RORA: variants seen among roughly 807,000 people sequenced by gnomAD.
RORA encodes the protein RAR related orphan receptor A.
In RORA, 7 loss-of-function variants were observed where a neutral mutation model predicts 69.5. That is an observed-to-expected ratio of 0.10 (90% CI 0.06 to 0.19). RORA has a LOEUF of 0.19. Among genes scored for constraint, RORA ranks in the 10% least tolerant of loss-of-function variants. The probability of loss-of-function intolerance (pLI) is 1.00; values close to 1 mark genes in which losing one functional copy is unlikely to be tolerated. For synonymous variants in RORA, 261 were observed against 240.8 expected (o/e 1.08, Z -0.78); for missense variants, 457 against 663.0 (o/e 0.69, Z 3.41).
chr15:60,939,809 G>C (rs1892636736), intron 1 of RORA, among the ~76,000 whole-genome samples: 1 of 152,206 alleles, frequency 6.6e-6, no homozygotes, highest in Non-Finnish European at 1.5e-5. Flanking sequence ...GCCGTTCACT[G>C]GACTTCCCTC....
At chr15:61,223,033 G>A (rs564854491) in intron 1 of RORA, among the ~76,000 whole-genome samples, 10 of 152,108 alleles carry the variant, frequency 6.6e-5, no homozygotes, top group Admixed American at 2.6e-4. Flanking sequence ...TGACTTTACC[G>A]CCAGGCATGG....
chr15:60,511,756 T>G lies in RORA; in HGVS notation c.425-135A>C. ...TGCATGACCACAAAATAAGGACATA[T>G]TCAGAGGTGAAAACAGTTCCAACCC... On this transcript the variant is annotated intron_variant, in intron 4 of 10. Transcript: ENST00000335670. This position sits in a 1 kb window ranked among gnomAD's most constrained non-coding sequence, Gnocchi z 6.4. 5.3e-6 allele frequency: 5 copies of G among 948,982 alleles called. No homozygotes were observed. The highest frequency in any genetic ancestry group is 7.7e-6 in the Non-Finnish European group (5 of 653,318). 58.8% of individuals were successfully genotyped at this position (948,982 alleles called of 1,614,324 possible). A position where few individuals can be genotyped will look rare whatever the true frequency, so the allele number is the denominator to read the frequency against.
chr15:61,060,927 G>A (rs773538049), intron 1 of RORA, among the ~76,000 whole-genome samples: 16 of 152,184 alleles, frequency 1.1e-4, no homozygotes, highest in South Asian at 6.2e-4. Flanking sequence ...CCTGGGCAGC[G>A]TGCGGCCGAT....
intron 1 of RORA, among the ~76,000 whole-genome samples, chr15:60,897,296 C>A (rs930452589): frequency 6.6e-6 from 1 of 152,278 alleles, no homozygotes; most frequent in Non-Finnish European, 1.5e-5. Context: ...CATATCAGGG[C>A]CTTTCACTCA....
chr15:60,721,474 A>G (rs1213313033), intron 1 of RORA, among the ~76,000 whole-genome samples: 1 of 152,246 alleles, frequency 6.6e-6, no homozygotes, highest in South Asian at 2.1e-4. Context: ...TCTCATGCAC[A>G]TTATTTAAGT....
intron 1 of RORA, among the ~76,000 whole-genome samples, chr15:61,130,616 C>T (rs1194789317): frequency 3.3e-5 from 5 of 152,112 alleles, no homozygotes; most frequent in African/African-American, 7.2e-5. Context: ...TTAATTTCCT[C>T]CTCCATAAAA....
chr15:60,904,004 C>A (rs974359498), intron 1 of RORA, among the ~76,000 whole-genome samples: 1 of 152,152 alleles, frequency 6.6e-6, no homozygotes, highest in African/African-American at 2.4e-5. Context: ...GCTATGATTT[C>A]TCTGTCATTC....
At chr15:60,875,869 C>T (rs1421248010) in intron 1 of RORA, among the ~76,000 whole-genome samples, 1 of 152,186 alleles carries the variant, frequency 6.6e-6, no homozygotes, top group Non-Finnish European at 1.5e-5. Flanking sequence ...GGAGGTTAAA[C>T]ATTTTGGCTT....
intron 1 of RORA, among the ~76,000 whole-genome samples, chr15:60,804,463 C>G (rs941670703): frequency 2.2e-4 from 34 of 152,226 alleles, no homozygotes; most frequent in Middle Eastern, 3.4e-3. Flanking sequence ...AGGGAGGTAA[C>G]CTGTCCAAGA....
chr15:60,503,531 A>T lies in RORA; in HGVS notation c.1075+4T>A. The stretch of plus-strand genomic sequence containing the variant: ...ATCTCAAAATTCACTTGCAAAGCAC[A>T]TACCTGCTTTTAGAAGCACAATTTG... On this transcript the variant is annotated splice_donor_region_variant and intron_variant, in intron 7 of 10. Transcript: ENST00000335670. 2 of 1,614,010 alleles carry T rather than the reference A, an allele frequency of 1.2e-6. No homozygotes were observed. Among genetic ancestry groups the T allele is most frequent in the Non-Finnish European group, 1.7e-6 (2 of 1,179,900 alleles).
chr15:61,040,250 C>A (rs1361823052), intron 1 of RORA, among the ~76,000 whole-genome samples: 4 of 148,772 alleles, frequency 2.7e-5, no homozygotes, highest in Non-Finnish European at 5.9e-5. Flanking sequence ...ATATGGGACA[C>A]TAATACATCC....
intron 1 of RORA, among the ~76,000 whole-genome samples, chr15:61,158,530 C>A (rs1458422965): frequency 2.0e-5 from 3 of 152,204 alleles, no homozygotes; most frequent in Non-Finnish European, 4.4e-5. Context: ...TGGCTGCCAA[C>A]CTTTGCCTTT....
chr15:61,100,584 T>G (rs958687568), intron 1 of RORA, among the ~76,000 whole-genome samples: 1 of 152,184 alleles, frequency 6.6e-6, no homozygotes, highest in Admixed American at 6.5e-5. Context: ...CAGGGGTGTC[T>G]GTGGCTAGAA....
At chr15:60,822,160 A>C (rs2072901196) in intron 1 of RORA, among the ~76,000 whole-genome samples, 1 of 152,220 alleles carries the variant, frequency 6.6e-6, no homozygotes, top group African/African-American at 2.4e-5. Flanking sequence ...ATTGGGGTTC[A>C]ATTTCACTCT....
intron 1 of RORA, among the ~76,000 whole-genome samples, chr15:60,972,388 C>G (rs536187365): frequency 6.6e-6 from 1 of 152,166 alleles, no homozygotes; most frequent in Non-Finnish European, 1.5e-5. Flanking sequence ...GAAGCACTCC[C>G]GGGAGAAACT....
chr15:60,768,361 G>A (rs2072021113), intron 1 of RORA, among the ~76,000 whole-genome samples: 1 of 152,180 alleles, frequency 6.6e-6, no homozygotes. Flanking sequence ...AGTTAATCAA[G>A]AAAGAAACAA....
intron 1 of RORA, among the ~76,000 whole-genome samples, chr15:61,105,295 A>T (rs957864592): frequency 3.3e-5 from 5 of 152,234 alleles, no homozygotes; most frequent in African/African-American, 1.2e-4. Context: ...CTAGAATAAA[A>T]GTTTCATGAG....
chr15:60,856,639 G>A (rs958498138), intron 1 of RORA, among the ~76,000 whole-genome samples: 3 of 152,188 alleles, frequency 2.0e-5, no homozygotes, highest in Non-Finnish European at 4.4e-5. Flanking sequence ...AATCAAGGGG[G>A]AAGAAAGAGT....
chr15:61,130,146 C>A (rs186371093), intron 1 of RORA, among the ~76,000 whole-genome samples: 1 of 152,302 alleles, frequency 6.6e-6, no homozygotes, highest in East Asian at 1.9e-4. Flanking sequence ...TAATGAATAT[C>A]TTTCCATTGC....
Sources: gnomAD v4.1 joint callset for allele counts (sites outside exome capture counted in the v4.1 genomes callset) on GRCh38, gnomAD v4.1.1 for gene constraint, Gnocchi (gnomAD v3.1) non-coding constraint, MANE v1.5 for transcripts, NCBI Gene and HGNC (gene_info 2026-07-23, HGNC 2026-07-21) for gene names.